The following IQGAP3 variants were observed in gnomAD, a reference collection of about 807,000 sequenced individuals.
IQGAP3 encodes the protein ras GTPase-activating-like protein IQGAP3.
A neutral mutation model predicts 208.2 loss-of-function variants in IQGAP3; 165 were observed. That is an observed-to-expected ratio of 0.79 (90% confidence interval 0.70 to 0.90). The LOEUF is 0.90. IQGAP3 is among the 40% of genes least tolerant of loss of function. IQGAP3 has a pLI of 0.00. For missense variants in IQGAP3, 1,811 were observed against 2,043.1 expected (o/e 0.89, Z 2.19); for synonymous variants, 703 against 803.6 (o/e 0.87, Z 2.12).
chr1:156,547,988 A>G (rs1347877482), intron 19 of IQGAP3, 85 bp downstream of exon 19: 3 of 1,242,702 alleles, frequency 2.4e-6, no homozygotes, highest in Non-Finnish European at 3.4e-6. Context: ...GGTCATTCCC[A>G]TGTCAGTAAA....
chr1:156,563,709 C>T (rs1054908791), intron 6 of IQGAP3, 43 bp from the exon 7 acceptor site: 2 of 1,609,896 alleles, frequency 1.2e-6, no homozygotes, highest in African/African-American at 2.7e-5. Context: ...CCCAGAACCC[C>T]CAAGACCCTG....
rs1159514618 is a variant in IQGAP3 at position 156,533,826 on chromosome 1, AG to A, written c.3922del (p.Leu1308CysfsTer30). 1.2e-6 allele frequency: 2 copies of A among 1,613,274 alleles called. No individual in the cohort carries two copies. Among genetic ancestry groups the A allele is most frequent in the East Asian group, 4.5e-5 (2 of 44,882 alleles). ...CCCAAGATCCTCCAGGAGCTCATGC[AG>A]GGGGTCTTGGTGATCAGGGGCAATG... The part of the protein sequence containing the change: ...DCIAPDHQDP[L>X]HELLEDLGEL... On this transcript the variant is annotated frameshift_variant, in exon 31 of 38. Coordinates refer to ENST00000361170, the MANE Select transcript of IQGAP3 (RefSeq NM_178229.5). LOFTEE classifies it high-confidence loss of function.
intron 1 of IQGAP3, among the ~76,000 whole-genome samples, chr1:156,570,335 G>T (rs1306655333): frequency 6.6e-6 from 1 of 152,168 alleles, no homozygotes; most frequent in Non-Finnish European, 1.5e-5. Flanking sequence ...GAGCCCAGAA[G>T]TTTGAGACCA....
intron 7 of IQGAP3, 31 bp from the exon 8 acceptor site, chr1:156,563,343 G>A (rs1177218474): frequency 1.3e-6 from 2 of 1,556,578 alleles, no homozygotes; most frequent in African/African-American, 2.7e-5. Context: ...AAGGTCAGGA[G>A]GCCAGAGTGA....
chr1:156,547,388 G>GTC (rs1675300277), intron 19 of IQGAP3, among the ~76,000 whole-genome samples: 1 of 147,328 alleles, frequency 6.8e-6, no homozygotes, highest in Admixed American at 6.7e-5. Context: ...CAGACACACA[G>GTC]ACACACACAC....
chr1:156,561,775 A>G (rs1676159107), intron 10 of IQGAP3, 63 bp downstream of exon 10: 1 of 1,509,832 alleles, frequency 6.6e-7, no homozygotes, highest in Admixed American at 1.8e-5. Context: ...ATCTTTGAGT[A>G]AGAGGCCCTC....
At position 156,569,469 on chromosome 1, in the gene IQGAP3, G is replaced by A. The variant is rs769618359; in HGVS notation, c.38-6C>T. The A allele has an allele frequency of 2.5e-6, 4 of 1,588,102 alleles. No homozygotes were observed. Among genetic ancestry groups the A allele is most frequent in the Non-Finnish European group, 3.4e-6 (4 of 1,162,264 alleles). On this transcript the variant is annotated splice_region_variant and splice_polypyrimidine_tract_variant and intron_variant, in intron 1 of 37. Coordinates refer to ENST00000361170, the MANE Select transcript of IQGAP3 (RefSeq NM_178229.5). Reference sequence around the variant, plus strand: ...CTCAGCTGTGAGGCGTTCATCTGAGGAGTTAAACGGGATAAGGTCAATGAA... The same window carrying A: ...CTCAGCTGTGAGGCGTTCATCTGAGAAGTTAAACGGGATAAGGTCAATGAA...
rs778341679 is a variant in IQGAP3, at chr1:156,539,898, C to A, written c.2832G>T (p.Ser944=). 1 of 1,614,130 alleles carries A rather than the reference C, an allele frequency of 6.2e-7. No homozygotes were observed. Among genetic ancestry groups the A allele is most frequent in the Non-Finnish European group, 8.5e-7 (1 of 1,180,032 alleles). The change falls in exon 24 of 38, where the codon TCG becomes TCT. Residue 944 remains serine, a synonymous_variant. Transcript: ENST00000361170. ...GTTTCTGCCGTTTCTCTTTGCTCAG[C>A]GACTTTAAACCCTTCTGCTTGTCCA... ...MVLDKQKGLK[S]LSKEKRQKLE... is the part of the protein sequence containing the mutation.
rs377269863 is a variant in IQGAP3 at position 156,538,766 on chromosome 1, A to G, written c.3281+43T>C. On this transcript the variant is annotated intron_variant, in intron 26 of 37. Coordinates refer to ENST00000361170, the MANE Select transcript of IQGAP3 (RefSeq NM_178229.5). Reference sequence around the variant, plus strand: ...GGTCCAAGACACAGCTGATCAAGACACAGCTGATCAAAGAGAGCTCCTCCC... The same window carrying G: ...GGTCCAAGACACAGCTGATCAAGACGCAGCTGATCAAAGAGAGCTCCTCCC... The G allele has an allele frequency of 2.3e-5, 35 of 1,518,394 alleles. No individual in the cohort carries two copies. The African/African-American group carries it at 4.7e-4, about 20-fold the overall frequency. 94.1% of individuals were successfully genotyped at this position (1,518,394 alleles called of 1,614,324 possible). A position where few individuals can be genotyped will look rare whatever the true frequency, so the allele number is the denominator to read the frequency against.
chr1:156,568,288 C>T (rs1676495078), intron 2 of IQGAP3, among the ~76,000 whole-genome samples: 1 of 152,130 alleles, frequency 6.6e-6, no homozygotes, highest in African/African-American at 2.4e-5. Flanking sequence ...GATCTTGGCT[C>T]ACTGCAACAT....
intron 12 of IQGAP3, among the ~76,000 whole-genome samples, chr1:156,555,009 A>G (rs1675759990): frequency 6.6e-6 from 1 of 152,136 alleles, no homozygotes; most frequent in Non-Finnish European, 1.5e-5. Context: ...AGCCGAGATC[A>G]TGCCACTGCA....
intron 6 of IQGAP3, 32 bp downstream of exon 6, chr1:156,563,725 G>C (rs374136946): frequency 6.2e-7 from 1 of 1,607,296 alleles, no homozygotes; most frequent in African/African-American, 1.3e-5. Context: ...CCCTGCCCAG[G>C]CTGTGGTGGT....
intron 22 of IQGAP3, among the ~76,000 whole-genome samples, chr1:156,541,956 T>G (rs1675008638): frequency 1.3e-5 from 2 of 152,102 alleles, no homozygotes; most frequent in African/African-American, 2.4e-5. Flanking sequence ...TGGGGAGTGC[T>G]GGAAGTCCAC....
At position 156,551,710 on chromosome 1, in the gene IQGAP3, C is replaced by T. The variant is rs1166171558; in HGVS notation, c.1729G>A (p.Ala577Thr). Reference sequence around the variant, plus strand: ...CCAACCAGCCCTAACTTCACCTGGGCCTTCTGCCTTTTGGCTGCCACAAGG... The same window carrying T: ...CCAACCAGCCCTAACTTCACCTGGGTCTTCTGCCTTTTGGCTGCCACAAGG... ...LLLVAAKRQKAQVTGDPGAVL... is the reference protein window; with the variant it reads ...LLLVAAKRQKTQVTGDPGAVL... The change falls in exon 15 of 38, where the codon GCC (alanine) becomes ACC (threonine). Residue 577 changes from alanine to threonine, a missense_variant. By Grantham distance (58) the Ala-to-Thr change is moderately conservative. Coordinates refer to ENST00000361170, the MANE Select transcript of IQGAP3 (RefSeq NM_178229.5). The T allele has an allele frequency of 6.2e-7, 1 of 1,609,556 alleles. No homozygotes were observed. Among genetic ancestry groups the T allele is most frequent in the African/African-American group, 1.3e-5 (1 of 74,788 alleles).
intron 22 of IQGAP3, among the ~76,000 whole-genome samples, chr1:156,541,482 G>A (rs1674974402): frequency 6.6e-6 from 1 of 151,882 alleles, no homozygotes; most frequent in Non-Finnish European, 1.5e-5. Flanking sequence ...TGGCATTTGA[G>A]CAAAAAAGAA....
At chr1:156,562,083 T>G in intron 9 of IQGAP3, 82 bp from the exon 10 acceptor site, 4 of 1,250,724 alleles carry the variant, frequency 3.2e-6, no homozygotes, top group Non-Finnish European at 4.4e-6. Context: ...GAATCTACCC[T>G]CTTCTTGCCT....
intron 16 of IQGAP3, among the ~76,000 whole-genome samples, chr1:156,549,032 A>G (rs1310835954): frequency 6.6e-6 from 1 of 152,206 alleles, no homozygotes; most frequent in Non-Finnish European, 1.5e-5. Flanking sequence ...CAGCTTGAAC[A>G]GAAGCATAAA....
rs1393224692 is a variant in IQGAP3 at position 156,525,756 on chromosome 1, G to GAAAAAAAAAAA, written c.*729_*730insTTTTTTTTTTT. The GAAAAAAAAAAA allele has an allele frequency of 1.4e-5, 1 of 71,112 alleles. No individual in the cohort carries two copies. The highest frequency in any genetic ancestry group is 3.4e-5 in the Non-Finnish European group (1 of 29,014). 4.4% of individuals were successfully genotyped at this position (71,112 alleles called of 1,614,324 possible). A position where few individuals can be genotyped will look rare whatever the true frequency, so the allele number is the denominator to read the frequency against. On this transcript the variant is annotated 3_prime_UTR_variant, in exon 38 of 38. Coordinates refer to ENST00000361170, the MANE Select transcript of IQGAP3 (RefSeq NM_178229.5). The stretch of plus-strand genomic sequence containing the variant: ...AAAAAAAAAAAAAAAAAAAAAAAAT[G>GAAAAAAAAAAA]AAAGCGTTAAAACCCTGATTAAGTC...
At chr1:156,555,115 C>T (rs376705423) in intron 12 of IQGAP3, among the ~76,000 whole-genome samples, 10 of 152,114 alleles carry the variant, frequency 6.6e-5, no homozygotes, top group East Asian at 1.9e-4. Flanking sequence ...ATGGAGTGGT[C>T]GCCTCCACAC....
Sources: gnomAD v4.1 joint callset for allele counts (sites outside exome capture counted in the v4.1 genomes callset) on GRCh38, gnomAD v4.1.1 for gene constraint, MANE v1.5 for transcripts, NCBI Gene and HGNC (gene_info 2026-07-23, HGNC 2026-07-21) for gene names.